OXR1: variants seen among roughly 807,000 people sequenced by gnomAD.
The protein encoded by OXR1 is oxidation resistance 1.
OXR1 carries 41 observed loss-of-function variants against 104.6 expected under a neutral mutation model. The ratio of observed to expected loss-of-function variants is 0.39; its 90% confidence interval spans 0.31 to 0.51. OXR1 has a LOEUF of 0.51. Ranked by LOEUF, OXR1 falls within the 20% of genes least tolerant of loss-of-function variation. The pLI is 0.77. For synonymous variants in OXR1, 348 were observed against 348.4 expected, an observed-to-expected ratio of 1.00 and a Z score of 0.01; for missense variants, 955 against 1,031.9, an observed-to-expected ratio of 0.93 and a Z score of 1.02.
chr8:106,536,460 C>G (rs2130287044), intron 3 of OXR1, among the ~76,000 whole-genome samples: 1 of 151,750 alleles, frequency 6.6e-6, no homozygotes, highest in South Asian at 2.1e-4. Flanking sequence ...ACAGAAATGA[C>G]TGAAGACTAA....
chr8:106,304,584 T>C (rs922607677), intron 1 of OXR1, among the ~76,000 whole-genome samples: 4 of 152,088 alleles, frequency 2.6e-5, no homozygotes, highest in Middle Eastern at 3.4e-3. Flanking sequence ...ATACATTTTA[T>C]CTAGCTCAAC....
intron 6 of OXR1, among the ~76,000 whole-genome samples, chr8:106,690,499 T>TA (rs938154155): frequency 2.6e-4 from 39 of 151,262 alleles, no homozygotes; most frequent in African/African-American, 9.4e-4. Flanking sequence ...GCGAAGATTT[T>TA]AGGAAACAAA....
At chr8:106,617,634 T>A (rs1320755205) in intron 3 of OXR1, among the ~76,000 whole-genome samples, 1 of 152,170 alleles carries the variant, frequency 6.6e-6, no homozygotes, top group African/African-American at 2.4e-5. Flanking sequence ...ATGCAAAACA[T>A]CAAAATTATG....
intron 2 of OXR1, among the ~76,000 whole-genome samples, chr8:106,374,988 A>G (rs1411010709): frequency 6.6e-6 from 1 of 152,182 alleles, no homozygotes; most frequent in Non-Finnish European, 1.5e-5. Flanking sequence ...TAGGTTAACT[A>G]CTTTTTGATT....
intron 11 of OXR1, among the ~76,000 whole-genome samples, chr8:106,729,492 A>G (rs1216972557): frequency 6.6e-6 from 1 of 152,178 alleles, no homozygotes; most frequent in Non-Finnish European, 1.5e-5. Context: ...CCCTAAGTTC[A>G]CAAAACTAAT....
intron 2 of OXR1, among the ~76,000 whole-genome samples, chr8:106,379,355 TAACA>T (rs1480142753): frequency 6.6e-6 from 1 of 152,052 alleles, no homozygotes; most frequent in African/African-American, 2.4e-5. Flanking sequence ...TAATATTAAC[TAACA>T]GTTTCAGCTG....
chr8:106,545,162 G>A (rs1229163003), intron 3 of OXR1, among the ~76,000 whole-genome samples: 3 of 152,036 alleles, frequency 2.0e-5, no homozygotes, highest in African/African-American at 7.2e-5. Context: ...TGTACCCTGG[G>A]GGCAAAGTCA....
chr8:106,515,472 C>A (rs186020711), intron 2 of OXR1, among the ~76,000 whole-genome samples: 1 of 152,010 alleles, frequency 6.6e-6, no homozygotes, highest in Non-Finnish European at 1.5e-5. Flanking sequence ...TTCCTTATAT[C>A]CTTCATTCTA....
intron 3 of OXR1, chr8:106,581,224 A>G: frequency 7.8e-7 from 1 of 1,288,424 alleles, no homozygotes; most frequent in African/African-American, 1.5e-5. Flanking sequence ...TTCCAAGGAA[A>G]TATGCCCAAT....
chr8:106,711,437 A>C (rs1323247224), intron 10 of OXR1, among the ~76,000 whole-genome samples: 2 of 152,132 alleles, frequency 1.3e-5, no homozygotes, highest in Admixed American at 1.3e-4. Context: ...TTCTATTTCC[A>C]TAATACCACC....
At chr8:106,451,090 T>A (rs187768795) in intron 2 of OXR1, among the ~76,000 whole-genome samples, 2 of 152,254 alleles carry the variant, frequency 1.3e-5, no homozygotes, top group Admixed American at 1.3e-4. Flanking sequence ...GTGTCTGAAA[T>A]AAATATTCTA....
At chr8:106,331,231 A>G (rs973305459) in intron 1 of OXR1, among the ~76,000 whole-genome samples, 4 of 152,228 alleles carry the variant, frequency 2.6e-5, no homozygotes, top group Non-Finnish European at 5.9e-5. Context: ...TCCAGTGACA[A>G]AAAAGCAATG....
rs141736335 is a variant in OXR1, at chr8:106,718,970, T to C, written c.1956+4985T>C. Among the ~76,000 whole-genome samples, 992 of 152,300 alleles carry C rather than the reference T, an allele frequency of 6.5e-3. 7 individuals carry two copies. Among genetic ancestry groups the C allele is most frequent in the Non-Finnish European group, 0.011 (754 of 68,016 alleles). On this transcript the variant is annotated intron_variant, in intron 11 of 16. Transcript: ENST00000517566. Reference sequence around the variant, plus strand: ...CTTTCTTCATAGTGAACCAAACTTATGTTTTTGGTGTGATACCCAAATAAA... The same window carrying C: ...CTTTCTTCATAGTGAACCAAACTTACGTTTTTGGTGTGATACCCAAATAAA...
At chr8:106,351,252 A>G (rs1815715069) in intron 1 of OXR1, among the ~76,000 whole-genome samples, 1 of 152,194 alleles carries the variant, frequency 6.6e-6, no homozygotes. Flanking sequence ...TTGCAAAGTC[A>G]TTAAAACTTG....
At chr8:106,675,091 G>A (rs1827431217) in intron 3 of OXR1, among the ~76,000 whole-genome samples, 1 of 152,138 alleles carries the variant, frequency 6.6e-6, no homozygotes. Context: ...ACAGTATTCT[G>A]AGAAAAAGTT....
intron 1 of OXR1, among the ~76,000 whole-genome samples, chr8:106,357,218 G>GTA (rs1348607528): frequency 2.0e-5 from 3 of 151,544 alleles, no homozygotes; most frequent in African/African-American, 4.8e-5. Context: ...GTGTGTGTGT[G>GTA]TATATATATG....
At chr8:106,717,507 C>T (rs969391159) in intron 11 of OXR1, among the ~76,000 whole-genome samples, 1 of 152,098 alleles carries the variant, frequency 6.6e-6, no homozygotes, top group African/African-American at 2.4e-5. Flanking sequence ...TTTATTATCC[C>T]TGACTGTTAC....
chr8:106,512,698 G>A (rs1256444242), intron 2 of OXR1, among the ~76,000 whole-genome samples: 2 of 152,096 alleles, frequency 1.3e-5, no homozygotes, highest in Non-Finnish European at 2.9e-5. Context: ...TGATAGACGA[G>A]GAAAGATGAA....
chr8:106,402,508 C>T (rs1344279176), intron 2 of OXR1, among the ~76,000 whole-genome samples: 14 of 152,156 alleles, frequency 9.2e-5, no homozygotes, highest in Admixed American at 9.2e-4. Flanking sequence ...TTACTGGACC[C>T]ACTGTGAGAC....
Sources: allele counts gnomAD v4.1 joint callset (sites outside exome capture counted in the v4.1 genomes callset), GRCh38; gene constraint gnomAD v4.1.1; transcripts MANE v1.5; gene names NCBI Gene and HGNC (gene_info 2026-07-23, HGNC 2026-07-21).